The following SUN1 variants were observed in gnomAD, a reference collection of about 807,000 sequenced individuals.
SUN1 encodes the protein SUN domain-containing protein 1.
Under a neutral mutation model 103.2 loss-of-function variants are expected in SUN1, and 61 were observed. The observed-to-expected ratio is 0.59, with a 90% CI of 0.48 to 0.73. The LOEUF (loss-of-function observed/expected upper bound fraction) is 0.73, where lower values mean the gene tolerates loss of function less well. Among genes scored for constraint, SUN1 ranks in the 30% least tolerant of loss-of-function variants. The pLI is 0.00. For synonymous variants in SUN1, 490 were observed against 425.7 expected (o/e 1.15, Z -1.86); for missense variants, 1,052 against 1,034.6 (o/e 1.02, Z -0.23).
chr7:825,077 T>TTG (rs1343331838), intron 1 of SUN1, among the ~76,000 whole-genome samples: 10 of 151,982 alleles, frequency 6.6e-5, no homozygotes, highest in Non-Finnish European at 1.2e-4. Flanking sequence ...TTTTTTTTTT[T>TTG]AGGCGGAGTC....
chr7:858,044 AT>A, intron 13 of SUN1, 87 bp downstream of exon 13: 2 of 1,388,874 alleles, frequency 1.4e-6, no homozygotes, highest in Non-Finnish European at 1.9e-6. Flanking sequence ...TAGCTGTTTA[AT>A]TTTTTATTTA....
chr7:857,361 G>A (rs1457697778), intron 12 of SUN1, among the ~76,000 whole-genome samples: 1 of 152,160 alleles, frequency 6.6e-6, no homozygotes, highest in Non-Finnish European at 1.5e-5. Flanking sequence ...ATCCTAAAGT[G>A]TTGATCTGGG....
chr7:873,544 G>A lies in SUN1; in HGVS notation c.*213G>A. The A allele has an allele frequency of 1.9e-6, 1 of 524,674 alleles. No individual in the cohort carries two copies. The highest frequency in any genetic ancestry group is 3.4e-6 in the Non-Finnish European group (1 of 295,536). The allele number at this position is 524,674 out of a possible 1,614,324, so 32.5% of individuals were successfully genotyped here. The stretch of plus-strand genomic sequence containing the variant: ...CTCTGCAGGTGCAGAGGGGTCAGCA[G>A]CAGGAGAAGCGTGTTGAACACGTGG... On this transcript the variant is annotated 3_prime_UTR_variant, in exon 19 of 19. Transcript: ENST00000401592.
chr7:850,027 T>G (rs1370504841), intron 5 of SUN1: 1 of 1,587,644 alleles, frequency 6.3e-7, no homozygotes, highest in Admixed American at 1.7e-5. Context: ...CATCTGGGCA[T>G]GTGCAGGTTG....
At chr7:859,268 G>A (rs1321378862) in intron 13 of SUN1, among the ~76,000 whole-genome samples, 2 of 152,206 alleles carry the variant, frequency 1.3e-5, no homozygotes, top group African/African-American at 4.8e-5. Flanking sequence ...GCAGGCCCAC[G>A]AGGACGATGG....
chr7:826,275 A>G (rs1791758592), intron 1 of SUN1, among the ~76,000 whole-genome samples: 2 of 152,334 alleles, frequency 1.3e-5, no homozygotes, highest in South Asian at 4.1e-4. Flanking sequence ...GAACTGCCTG[A>G]TGTCAGGCTA....
At chr7:830,805 G>C, upstream of SUN1, 1 of 281,042 alleles carries the variant, frequency 3.6e-6, no homozygotes, top group Non-Finnish European at 5.4e-6. Context: ...AGTTAGCCCA[G>C]TGTCCCCCAG....
intron 5 of SUN1, chr7:843,939 T>G: frequency 9.2e-7 from 1 of 1,088,036 alleles, no homozygotes; most frequent in Non-Finnish European, 1.1e-6. Context: ...GGAAAACATT[T>G]CCCGTGGTCG....
chr7:828,038 G>A (rs1357107063), upstream of SUN1, among the ~76,000 whole-genome samples: 1 of 151,828 alleles, frequency 6.6e-6, no homozygotes, highest in African/African-American at 2.4e-5. Context: ...CGAGTAGCTG[G>A]GATTACAAGC....
At chr7:869,264 A>C in intron 16 of SUN1, 85 bp from the exon 17 acceptor site, 1 of 1,471,414 alleles carries the variant, frequency 6.8e-7, no homozygotes, top group African/African-American at 1.4e-5. Context: ...TTTTTATCTC[A>C]GTATAATCAG....
At chr7:847,350 C>T (rs1382485406) in intron 5 of SUN1, among the ~76,000 whole-genome samples, 11 of 146,894 alleles carry the variant, frequency 7.5e-5, no homozygotes, top group Non-Finnish European at 1.4e-4. Flanking sequence ...TACCCCGCAG[C>T]GCCCTCTCTG....
At chr7:821,367 A>G (rs758147073) in intron 1 of SUN1, among the ~76,000 whole-genome samples, 9 of 151,894 alleles carry the variant, frequency 5.9e-5, no homozygotes, top group Non-Finnish European at 1.3e-4. Context: ...ACAAGGTTTC[A>G]CCATGTTGGT....
chr7:847,540 G>A (rs1169937964), intron 5 of SUN1, among the ~76,000 whole-genome samples: 12 of 73,172 alleles, frequency 1.6e-4, no homozygotes, highest in Middle Eastern at 0.012. Context: ...GGGTTACCCC[G>A]CAGTCCAGTC....
upstream of SUN1, chr7:816,551 G>C (rs1472801502): frequency 5.2e-6 from 2 of 386,718 alleles, no homozygotes; most frequent in Admixed American, 6.3e-5. Flanking sequence ...GCTCGGGACT[G>C]GTGAAGGCCT....
At chr7:838,128 C>A (rs1364061052) in intron 1 of SUN1, among the ~76,000 whole-genome samples, 2 of 152,264 alleles carry the variant, frequency 1.3e-5, no homozygotes, top group African/African-American at 4.8e-5. Context: ...TCATAGCTCA[C>A]TGCAGCCTCA....
intron 2 of SUN1, among the ~76,000 whole-genome samples, chr7:839,375 C>T (rs1006505041): frequency 3.9e-5 from 6 of 152,236 alleles, no homozygotes; most frequent in Non-Finnish European, 7.3e-5. Context: ...CGTGGACGAT[C>T]TCCGTGTCCA....
intron 8 of SUN1, 44 bp downstream of exon 8, chr7:852,711 C>T (rs767511550): frequency 6.2e-7 from 1 of 1,614,116 alleles, no homozygotes; most frequent in South Asian, 1.1e-5. Flanking sequence ...CTAAGCGGTA[C>T]ACACATATGT....
chr7:852,478 G>A, intron 7 of SUN1, 131 bp from the exon 8 acceptor site: 1 of 1,078,096 alleles, frequency 9.3e-7, no homozygotes, highest in South Asian at 1.4e-5. Context: ...AAGCCTTGTA[G>A]ATAAAACCGT....
chr7:865,911 G>C (rs1836132225), intron 15 of SUN1, 41 bp from the exon 16 acceptor site: 1 of 1,560,942 alleles, frequency 6.4e-7, no homozygotes, highest in African/African-American at 1.4e-5. Context: ...TTCCAAAATG[G>C]TGGAACTGGA....
Sources: allele counts gnomAD v4.1 joint callset (sites outside exome capture counted in the v4.1 genomes callset), GRCh38; gene constraint gnomAD v4.1.1; transcripts MANE v1.5; gene names NCBI Gene and HGNC (gene_info 2026-07-23, HGNC 2026-07-21).